Variants in CHD5 observed in about 807,000 individuals in gnomAD.
The protein encoded by CHD5 is chromodomain helicase DNA binding protein 5, also known as ATP-dependent chromatin remodeler CHD5.
In CHD5, 69 loss-of-function variants were observed where a neutral mutation model predicts 230.3. The observed-to-expected ratio is 0.30, with a 90% confidence interval of 0.25 to 0.37. CHD5 has a LOEUF of 0.37. CHD5 is among the 10% of genes least tolerant of loss of function. The pLI is 1.00. For missense variants in CHD5, 1,827 were observed against 2,622.8 expected, an observed-to-expected ratio of 0.70 and a Z score of 6.63; for synonymous variants, 1,064 against 1,065.9, an observed-to-expected ratio of 1.00 and a Z score of 0.03.
At chr1:6,160,467 AGGAGAG>A in intron 2 of CHD5, among the ~76,000 whole-genome samples, 1 of 143,704 alleles carries the variant, frequency 7.0e-6, no homozygotes, top group Admixed American at 6.9e-5. Flanking sequence ...CAGCCAGAGA[AGGAGAG>A]CCCCAGCCAG....
At chr1:6,143,284 C>T (rs543267067) in intron 13 of CHD5, among the ~76,000 whole-genome samples, 8 of 152,184 alleles carry the variant, frequency 5.3e-5, no homozygotes, top group South Asian at 2.1e-4. Context: ...CCTCCCACCC[C>T]GGCCTCCCAC....
chr1:6,102,000 C>T lies in CHD5; in HGVS notation c.*3474G>A, dbSNP rs1161890997. 1.5e-5 allele frequency: 6 copies of T among 400,700 alleles called. No homozygotes were observed. The highest frequency in any genetic ancestry group is 1.2e-4 in the East Asian group (1 of 8,134). 24.8% of individuals were successfully genotyped at this position (400,700 alleles called of 1,614,324 possible). On this transcript the variant is annotated 3_prime_UTR_variant, in exon 42 of 42. Transcript: ENST00000262450. The stretch of plus-strand genomic sequence containing the variant: ...CTGGGACTCCTGGCGCGCCTTGCAC[C>T]CAGCCCAGGGCCCTCCCTTTGCCAG...
chr1:6,126,008 T>C lies in CHD5; in HGVS notation c.4079-150A>G. ...GGCCCACATACTTCCTGTGGGCTCA[T>C]TTAGTAATCCCAACACCACCACGTT... On this transcript the variant is annotated intron_variant, in intron 26 of 41. Transcript: ENST00000262450. This position sits in a 1 kb window ranked among gnomAD's most constrained non-coding sequence, Gnocchi z 5.7. 1 of 651,366 alleles carries C rather than the reference T, an allele frequency of 1.5e-6. No homozygotes were observed. The highest frequency in any genetic ancestry group is 1.8e-5 in the South Asian group (1 of 56,364). 40.3% of individuals were successfully genotyped at this position (651,366 alleles called of 1,614,324 possible). A position where few individuals can be genotyped will look rare whatever the true frequency, so the allele number is the denominator to read the frequency against.
chr1:6,106,271 C>T lies in CHD5; in HGVS notation c.*9G>A, dbSNP rs377199792. 6.2e-6 allele frequency: 10 copies of T among 1,612,796 alleles called. No homozygotes were observed. The highest frequency in any genetic ancestry group is 1.1e-5 in the South Asian group (1 of 91,076). On this transcript the variant is annotated 3_prime_UTR_variant, in exon 41 of 42. Coordinates refer to ENST00000262450, the MANE Select transcript of CHD5 (RefSeq NM_015557.3). Reference sequence around the variant, plus strand: ...TGAGCGCTGCAACACAGGGAAGTCTCGAGGACGGCTAGATATCTGTCAAAA... The same window carrying T: ...TGAGCGCTGCAACACAGGGAAGTCTTGAGGACGGCTAGATATCTGTCAAAA...
At chr1:6,140,908 A>G (rs1346888414) in intron 15 of CHD5, among the ~76,000 whole-genome samples, 1 of 151,834 alleles carries the variant, frequency 6.6e-6, no homozygotes, top group Non-Finnish European at 1.5e-5. Context: ...TCAAGGCTGC[A>G]GTGAGCTATG....
At position 6,180,301 on chromosome 1, in the gene CHD5, G is replaced by A. The variant is rs1411126125; in HGVS notation, c.-278C>T. Among the ~76,000 whole-genome samples, 1 of 151,330 alleles carries A rather than the reference G, an allele frequency of 6.6e-6. No homozygotes were observed. The highest frequency in any genetic ancestry group is 2.4e-5 in the African/African-American group (1 of 41,236). On this transcript the variant is annotated 5_prime_UTR_variant, in exon 1 of 42. Transcript: ENST00000262450. ...CAGCCGGCCGAGGGTGGCGGCGGCA[G>A]CGCCAGAGGCACGGCGGCACGGCGG...
At chr1:6,118,727 C>T (rs576812760) in intron 33 of CHD5, among the ~76,000 whole-genome samples, 26 of 151,570 alleles carry the variant, frequency 1.7e-4, no homozygotes, top group African/African-American at 5.6e-4. Flanking sequence ...GACAGAATTT[C>T]GATCTTGTTG....
rs991869257 is a variant in CHD5, at chr1:6,154,129, T to C, written c.745+531A>G. On this transcript the variant is annotated intron_variant, in intron 5 of 41. Transcript: ENST00000262450. The surrounding 1 kb of genome is among the most constrained non-coding windows in gnomAD (Gnocchi z 7.0). ...CCCAGTCCCTCCAACTCCTGCCTGCTTCCCGGATCCTAAAGCTGGAGGGGC... is the reference window on the plus strand; with the variant it reads ...CCCAGTCCCTCCAACTCCTGCCTGCCTCCCGGATCCTAAAGCTGGAGGGGC... 2.0e-5 allele frequency among the ~76,000 whole-genome samples: 3 copies of C among 152,170 alleles called. No homozygotes were observed. Among genetic ancestry groups the C allele is most frequent in the African/African-American group, 4.8e-5 (2 of 41,434 alleles).
At chr1:6,179,867 G>A in intron 1 of CHD5, 78 bp downstream of exon 1, 1 of 591,028 alleles carries the variant, frequency 1.7e-6, no homozygotes, top group Non-Finnish European at 1.9e-6. Context: ...CGCCCCCGCC[G>A]CCCGCGCTCC....
intron 2 of CHD5, among the ~76,000 whole-genome samples, chr1:6,162,341 G>A (rs867122751): frequency 6.6e-6 from 1 of 151,422 alleles, no homozygotes; most frequent in Admixed American, 6.6e-5. Flanking sequence ...AGCCGAGATC[G>A]CACCATTGTA....
intron 25 of CHD5, among the ~76,000 whole-genome samples, 161 bp downstream of exon 25, chr1:6,127,885 A>T (rs1666586568): frequency 6.6e-6 from 1 of 151,180 alleles, no homozygotes; most frequent in South Asian, 2.1e-4. Flanking sequence ...AGTGCGGGGC[A>T]CAGCAGGGAG....
intron 36 of CHD5, among the ~76,000 whole-genome samples, chr1:6,111,174 G>A (rs1236713479): frequency 6.6e-6 from 1 of 151,078 alleles, no homozygotes; most frequent in Non-Finnish European, 1.5e-5. Context: ...AGGTTGCAGT[G>A]AGCTGAGATC....
chr1:6,145,897 G>A (rs1240353034), intron 11 of CHD5, among the ~76,000 whole-genome samples: 2 of 152,176 alleles, frequency 1.3e-5, no homozygotes, highest in African/African-American at 2.4e-5. Context: ...CACCTCGGGC[G>A]TCCCTCGTCC....
intron 25 of CHD5, among the ~76,000 whole-genome samples, chr1:6,127,800 T>TGAGCCCGCGGGTG (rs1553139090): frequency 1.3e-5 from 2 of 152,214 alleles, no homozygotes; most frequent in African/African-American, 4.8e-5. Flanking sequence ...TCTCTAGTCC[T>TGAGCCCGCGGGTG]GAGCCCGCGG....
Position 6,146,605 on chromosome 1 carries a change from G to A in CHD5, c.1590+60C>T, listed in dbSNP as rs768551106. ...GCTTCAGCCCCTTCCCGCCAGCCCA[G>A]GAGGGTCCAGGGCTCACCAGGTCCC... is the stretch of plus-strand genomic sequence containing the variant. On this transcript the variant is annotated intron_variant, in intron 10 of 41. Coordinates refer to ENST00000262450, the MANE Select transcript of CHD5 (RefSeq NM_015557.3). This position sits in a 1 kb window ranked among gnomAD's most constrained non-coding sequence, Gnocchi z 5.1. 15 of 1,566,178 alleles carry A rather than the reference G, an allele frequency of 9.6e-6. No individual in the cohort carries two copies. Among genetic ancestry groups the A allele is most frequent in the Non-Finnish European group, 1.3e-5 (15 of 1,137,662 alleles).
chr1:6,179,923 G>A lies in CHD5; in HGVS notation c.79+22C>T, dbSNP rs1553144668. On this transcript the variant is annotated intron_variant, in intron 1 of 41. Transcript: ENST00000262450. ...CGGCGCCCCCGCCGCTCTGGCCCCA[G>A]GCGCACCCGCGCCCCGCTCACCTGA... 2.4e-6 allele frequency: 3 copies of A among 1,269,976 alleles called. No homozygotes were observed. The African/African-American group carries it at 4.8e-5, about 20-fold the overall frequency. The allele number at this position is 1,269,976 out of a possible 1,614,324, so 78.7% of individuals were successfully genotyped here.
At chr1:6,110,575 G>A (rs760917134) in intron 36 of CHD5, 49 bp from the exon 37 acceptor site, 2 of 1,594,146 alleles carry the variant, frequency 1.3e-6, no homozygotes, top group African/African-American at 1.3e-5. Flanking sequence ...AAGTGGTGGG[G>A]CCGTAGGGGG....
chr1:6,160,482 A>G (rs1389944172), intron 2 of CHD5, among the ~76,000 whole-genome samples: 1 of 151,866 alleles, frequency 6.6e-6, no homozygotes, highest in Non-Finnish European at 1.5e-5. Flanking sequence ...AGCCCCAGCC[A>G]GGGAAGGGCC....
chr1:6,137,741 C>T (rs1488031719), intron 15 of CHD5, among the ~76,000 whole-genome samples: 1 of 152,274 alleles, frequency 6.6e-6, no homozygotes, highest in Non-Finnish European at 1.5e-5. Flanking sequence ...GGACCCTGCA[C>T]TTGGGGTTTA....
Sources: allele counts gnomAD v4.1 joint callset (sites outside exome capture counted in the v4.1 genomes callset), GRCh38; gene constraint gnomAD v4.1.1; non-coding constraint Gnocchi (gnomAD v3.1); transcripts MANE v1.5; gene names NCBI Gene and HGNC (gene_info 2026-07-23, HGNC 2026-07-21).